FAM169A: variants seen among roughly 807,000 people sequenced by gnomAD.
FAM169A encodes family with sequence similarity 169 member A.
A neutral mutation model predicts 75.7 loss-of-function variants in FAM169A; 24 were observed. That is an observed-to-expected ratio of 0.32 (90% confidence interval 0.23 to 0.45). The LOEUF (loss-of-function observed/expected upper bound fraction) is 0.45. Ranked by LOEUF, FAM169A falls within the 20% of genes least tolerant of loss-of-function variation. The probability of loss-of-function intolerance (pLI) is 1.00; values close to 1 mark genes in which losing one functional copy is unlikely to be tolerated. For synonymous variants in FAM169A, 271 were observed against 271.0 expected (o/e 1.00, Z 0.00); for missense variants, 673 against 784.0 (o/e 0.86, Z 1.69).
intron 11 of FAM169A, among the ~76,000 whole-genome samples, chr5:74,792,061 T>C (rs1419446214): frequency 6.6e-6 from 1 of 152,222 alleles, no homozygotes; most frequent in Non-Finnish European, 1.5e-5. Context: ...TGTAATATTA[T>C]TTGGGTTGGG....
chr5:74,843,475 G>C (rs530527700), intron 1 of FAM169A, among the ~76,000 whole-genome samples: 1 of 152,124 alleles, frequency 6.6e-6, no homozygotes, highest in Non-Finnish European at 1.5e-5. Flanking sequence ...ATGTGATACA[G>C]GCATGTGAAT....
rs554680594 is a variant in FAM169A, at chr5:74,799,929, G to A, written c.1103+951C>T. Reference sequence around the variant, plus strand: ...CAACACGGACAAGAGGGCCACGACTGAGGGCTCCAACATGGCTTTGAAGAT... The same window carrying A: ...CAACACGGACAAGAGGGCCACGACTAAGGGCTCCAACATGGCTTTGAAGAT... On this transcript the variant is annotated intron_variant, in intron 10 of 12. Coordinates refer to ENST00000687041, the MANE Select transcript of FAM169A (RefSeq NM_001376049.1). 147 of 851,842 alleles carry A rather than the reference G, an allele frequency of 1.7e-4. 1 individual carries two copies. The African/African-American group carries it at 2.2e-3, about 13-fold the overall frequency. 52.8% of individuals were successfully genotyped at this position (851,842 alleles called of 1,614,324 possible). A position where few individuals can be genotyped will look rare whatever the true frequency, so the allele number is the denominator to read the frequency against.
chr5:74,865,338 T>A (rs941692215), intron 1 of FAM169A: 4 of 152,146 alleles, frequency 2.6e-5, no homozygotes, highest in Non-Finnish European at 5.9e-5. Flanking sequence ...ACGTTTTAAT[T>A]TACGTTAGGA....
At chr5:74,837,037 T>G (rs189022803) in intron 4 of FAM169A, among the ~76,000 whole-genome samples, 27 of 152,216 alleles carry the variant, frequency 1.8e-4, no homozygotes, top group African/African-American at 5.8e-4. Context: ...TTTTGACTCC[T>G]CCTCTTTTCC....
At chr5:74,838,754 T>C (rs1748698999) in intron 4 of FAM169A, among the ~76,000 whole-genome samples, 1 of 152,226 alleles carries the variant, frequency 6.6e-6, no homozygotes, top group South Asian at 2.1e-4. Context: ...AGGTATTCAT[T>C]CTTCCTCACC....
chr5:74,850,251 C>T (rs1359993923), intron 1 of FAM169A, among the ~76,000 whole-genome samples: 3 of 152,144 alleles, frequency 2.0e-5, no homozygotes, highest in Admixed American at 1.3e-4. Context: ...GTATTTGAAC[C>T]CGGCAGTCGG....
intron 5 of FAM169A, among the ~76,000 whole-genome samples, chr5:74,829,056 G>C (rs17670975): frequency 1.3e-5 from 2 of 152,082 alleles, no homozygotes; most frequent in Non-Finnish European, 2.9e-5. Flanking sequence ...AATTTTGAAC[G>C]GTGTCCTGAA....
chr5:74,822,119 T>C (rs568774564), intron 5 of FAM169A, among the ~76,000 whole-genome samples: 12 of 152,306 alleles, frequency 7.9e-5, no homozygotes, highest in South Asian at 2.1e-4. Flanking sequence ...AAGCAAGTTA[T>C]AGGGCCAGCC....
At position 74,826,821 on chromosome 5, in the gene FAM169A, C is replaced by G. The variant is rs948992133; in HGVS notation, c.490+7605G>C. On this transcript the variant is annotated intron_variant, in intron 5 of 12. Transcript: ENST00000687041. ...CTACAGACTTTATTCAAATTTCACA[C>G]ATTATTCCACTAATGTTCTTTTCTG... Among the ~76,000 whole-genome samples the G allele has an allele frequency of 3.3e-5, 5 of 152,184 alleles. No homozygotes were observed. In the East Asian group the frequency reaches 9.6e-4, roughly 29 times the overall value.
chr5:74,851,613 T>C (rs1303626158), intron 1 of FAM169A, among the ~76,000 whole-genome samples: 3 of 152,206 alleles, frequency 2.0e-5, no homozygotes, highest in Non-Finnish European at 2.9e-5. Flanking sequence ...AGAAATGGGC[T>C]TGTAATTGAA....
intron 1 of FAM169A, chr5:74,865,416 C>T (rs1455960237): frequency 6.6e-6 from 1 of 152,184 alleles, no homozygotes; most frequent in African/African-American, 2.4e-5. Context: ...CGATACGATA[C>T]CCACGCCGCT....
chr5:74,857,866 A>G (rs747048990), intron 1 of FAM169A, among the ~76,000 whole-genome samples: 2 of 152,084 alleles, frequency 1.3e-5, no homozygotes, highest in African/African-American at 2.4e-5. Context: ...AGGCACAAGA[A>G]CTTCCCTTGG....
chr5:74,787,437 G>T (rs1289810182), intron 11 of FAM169A, among the ~76,000 whole-genome samples: 1 of 152,208 alleles, frequency 6.6e-6, no homozygotes, highest in Non-Finnish European at 1.5e-5. Context: ...TGGTGGAGTG[G>T]ATTAGTCACT....
At chr5:74,832,130 A>G (rs981260254) in intron 5 of FAM169A, among the ~76,000 whole-genome samples, 2 of 152,112 alleles carry the variant, frequency 1.3e-5, no homozygotes, top group African/African-American at 4.8e-5. Context: ...GGTTTGAAAC[A>G]TTTGGTGCTT....
rs1750114183 is a variant in FAM169A at position 74,862,926 on chromosome 5, C to CAG, written c.-4+3237_-4+3238dup. On this transcript the variant is annotated intron_variant, in intron 1 of 12. Transcript: ENST00000687041. ...CCTGTTTGTGACCTACAACACACAA[C>CAG]AGACACTCAATGTTTGTGGAATAAA... Among the ~76,000 whole-genome samples, 7 of 150,612 alleles carry CAG rather than the reference C, an allele frequency of 4.6e-5. No homozygotes were observed. In the South Asian group the frequency reaches 1.5e-3, roughly 32 times the overall value.
chr5:74,795,875 T>C (rs1746245832), intron 11 of FAM169A, among the ~76,000 whole-genome samples, 155 bp downstream of exon 11: 1 of 152,222 alleles, frequency 6.6e-6, no homozygotes, highest in Admixed American at 6.5e-5. Flanking sequence ...TCCCCAACTC[T>C]AGTACCTGAC....
At chr5:74,862,259 T>C (rs1320550986) in intron 1 of FAM169A, among the ~76,000 whole-genome samples, 1 of 152,220 alleles carries the variant, frequency 6.6e-6, no homozygotes, top group Non-Finnish European at 1.5e-5. Context: ...CCATTATTGG[T>C]TCCCCATCAC....
In FAM169A at chr5:74,816,409, T is replaced by C. The variant is rs557318713; in HGVS notation, c.491-2390A>G. On this transcript the variant is annotated intron_variant, in intron 5 of 12. Coordinates refer to ENST00000687041, the MANE Select transcript of FAM169A (RefSeq NM_001376049.1). The stretch of plus-strand genomic sequence containing the variant: ...TCTATTTTCACAGAAACATTCCTTC[T>C]AGTAAAGGGAAATTCCAGTATCTCA... Among the ~76,000 whole-genome samples the C allele has an allele frequency of 9.8e-5, 15 of 152,338 alleles. No homozygotes were observed. In the South Asian group the frequency reaches 1.4e-3, roughly 15 times the overall value.
intron 1 of FAM169A, among the ~76,000 whole-genome samples, chr5:74,848,146 G>C (rs1204722900): frequency 6.6e-6 from 1 of 152,084 alleles, no homozygotes; most frequent in Non-Finnish European, 1.5e-5. Context: ...TTTGTTTCCA[G>C]TCATTCTCAG....
Sources: allele counts gnomAD v4.1 joint callset (sites outside exome capture counted in the v4.1 genomes callset), GRCh38; gene constraint gnomAD v4.1.1; transcripts MANE v1.5; gene names NCBI Gene and HGNC (gene_info 2026-07-23, HGNC 2026-07-21).